MEI4: variants seen among roughly 807,000 people sequenced by gnomAD.
MEI4 encodes the protein meiosis-specific protein MEI4.
In MEI4, 27 loss-of-function variants were observed where a neutral mutation model predicts 31.4. That is an observed-to-expected ratio of 0.86 (90% CI 0.63 to 1.19). MEI4 has a LOEUF of 1.19. Among genes scored for constraint, MEI4 ranks in the 50% most tolerant of loss-of-function variants. The probability of loss-of-function intolerance (pLI) is 0.00; values close to 1 mark genes in which losing one functional copy is unlikely to be tolerated. For synonymous variants in MEI4, 122 were observed against 145.4 expected (o/e 0.84, Z 1.16); for missense variants, 329 against 398.9 (o/e 0.82, Z 1.49).
At chr6:77,740,114 GTTA>G (rs1372490634) in intron 2 of MEI4, among the ~76,000 whole-genome samples, 1 of 152,158 alleles carries the variant, frequency 6.6e-6, no homozygotes, top group Non-Finnish European at 1.5e-5. Context: ...ATGGTTTTGA[GTTA>G]TTTTCTTATT....
At chr6:77,730,462 G>C (rs1766949540) in intron 2 of MEI4, among the ~76,000 whole-genome samples, 1 of 151,894 alleles carries the variant, frequency 6.6e-6, no homozygotes, top group Non-Finnish European at 1.5e-5. Flanking sequence ...GCAAGTTTTT[G>C]ACCCTTAAAT....
At chr6:77,751,525 G>T in intron 2 of MEI4, among the ~76,000 whole-genome samples, 1 of 151,988 alleles carries the variant, frequency 6.6e-6, no homozygotes, top group East Asian at 1.9e-4. Context: ...GAAGAATTGG[G>T]TAAGTTCCTG....
intron 4 of MEI4, among the ~76,000 whole-genome samples, chr6:77,856,193 C>T (rs1322420962): frequency 6.6e-6 from 1 of 152,060 alleles, no homozygotes. Context: ...TCTAATGAAC[C>T]GGCCCGTCTG....
intron 2 of MEI4, among the ~76,000 whole-genome samples, chr6:77,736,992 T>C (rs1037385474): frequency 1.3e-5 from 2 of 152,154 alleles, no homozygotes; most frequent in Non-Finnish European, 2.9e-5. Flanking sequence ...GCAAATGATG[T>C]AATATGATAG....
chr6:77,912,081 G>A (rs1284002133), intron 4 of MEI4, among the ~76,000 whole-genome samples: 1 of 152,118 alleles, frequency 6.6e-6, no homozygotes, highest in African/African-American at 2.4e-5. Context: ...TTACTAATGT[G>A]GGTGTCCTTT....
intron 4 of MEI4, among the ~76,000 whole-genome samples, chr6:77,915,527 G>C (rs930549760): frequency 6.6e-6 from 1 of 151,936 alleles, no homozygotes; most frequent in East Asian, 1.9e-4. Flanking sequence ...TTCATTAAAA[G>C]TGACCATGGG....
At position 77,736,316 on chromosome 6, in the gene MEI4, T is replaced by G. The variant is rs369029242; in HGVS notation, c.233-24814T>G. Among the ~76,000 whole-genome samples, 28 of 152,078 alleles carry G rather than the reference T, an allele frequency of 1.8e-4. No individual in the cohort carries two copies. The South Asian group carries it at 5.0e-3, about 27-fold the overall frequency. On this transcript the variant is annotated intron_variant, in intron 2 of 4. Coordinates refer to ENST00000684080, the MANE Select transcript of MEI4 (RefSeq NM_001322247.2). ...CGTGGGCGTATTACCCTCCGAGCCA[T>G]GTGCGGGATATAATCTCCTGGTGCG...
chr6:77,771,609 A>G (rs1265223020), intron 3 of MEI4, among the ~76,000 whole-genome samples: 1 of 152,152 alleles, frequency 6.6e-6, no homozygotes, highest in African/African-American at 2.4e-5. Context: ...ATGCAGTCAT[A>G]AAAAGAATGA....
intron 3 of MEI4, among the ~76,000 whole-genome samples, chr6:77,804,745 A>G (rs941403144): frequency 2.0e-5 from 3 of 152,204 alleles, no homozygotes; most frequent in Non-Finnish European, 2.9e-5. Context: ...TGGAGTTCAG[A>G]TATCATTACC....
chr6:77,893,995 G>T (rs1766024181), intron 4 of MEI4, among the ~76,000 whole-genome samples: 1 of 151,932 alleles, frequency 6.6e-6, no homozygotes, highest in South Asian at 2.1e-4. Flanking sequence ...TTTTAAAAAA[G>T]AAAATCATAA....
At chr6:77,798,962 T>A (rs1361875016) in intron 3 of MEI4, among the ~76,000 whole-genome samples, 1 of 152,076 alleles carries the variant, frequency 6.6e-6, no homozygotes, top group African/African-American at 2.4e-5. Context: ...TACGTGTGCA[T>A]GTGTCTTTAT....
intron 2 of MEI4, among the ~76,000 whole-genome samples, chr6:77,699,189 C>CTTTT (rs70974682): frequency 3.5e-4 from 40 of 113,778 alleles, no homozygotes; most frequent in Non-Finnish European, 5.2e-4. Context: ...TTCAAAGTTT[C>CTTTT]TTTTTTTTTT....
chr6:77,891,890 A>G lies in MEI4; in HGVS notation c.901-31199A>G, dbSNP rs1444246165. 2.6e-5 allele frequency among the ~76,000 whole-genome samples: 4 copies of G among 152,210 alleles called. No individual in the cohort carries two copies. In the South Asian group the frequency reaches 6.2e-4, roughly 24 times the overall value. On this transcript the variant is annotated intron_variant, in intron 4 of 4. Coordinates refer to ENST00000684080, the MANE Select transcript of MEI4 (RefSeq NM_001322247.2). ...GTATGATTTGAGGCAGCTGTAATCA[A>G]TGTCAAGTTTGTCTGTGTCTTCCTC...
intron 4 of MEI4, among the ~76,000 whole-genome samples, chr6:77,907,637 C>T (rs532137790): frequency 2.0e-5 from 3 of 152,158 alleles, no homozygotes; most frequent in East Asian, 3.9e-4. Context: ...TTTTATAATC[C>T]TTTGGGTATA....
At position 77,908,584 on chromosome 6, in the gene MEI4, T is replaced by C. The variant is rs1402073803; in HGVS notation, c.901-14505T>C. ...TATAGTTTGAAGTCAGGTAGCATGA[T>C]GCCTCCAGCTTTGTTCTTTTGGCTT... On this transcript the variant is annotated intron_variant, in intron 4 of 4. Transcript: ENST00000684080. Among the ~76,000 whole-genome samples, 3 of 152,184 alleles carry C rather than the reference T, an allele frequency of 2.0e-5. No homozygotes were observed. In the East Asian group the frequency reaches 5.8e-4, roughly 29 times the overall value.
chr6:77,688,811 C>A (rs1769105705), intron 1 of MEI4, among the ~76,000 whole-genome samples: 1 of 152,058 alleles, frequency 6.6e-6, no homozygotes, highest in Admixed American at 6.6e-5. Context: ...GTCTCAAAAA[C>A]CATATGTCTG....
rs182754987 is a variant in MEI4, at chr6:77,745,218, T to G, written c.233-15912T>G. Among the ~76,000 whole-genome samples the G allele has an allele frequency of 1.4e-3, 209 of 152,156 alleles. 1 individual carries two copies. Among genetic ancestry groups the G allele is most frequent in the African/African-American group, 4.3e-3 (180 of 41,490 alleles). On this transcript the variant is annotated intron_variant, in intron 2 of 4. Transcript: ENST00000684080. ...AGACCCATCAGTGTGCTATATTCAGTAAACCCATCTCACGTGCAGAGACAC... is the reference window on the plus strand; with the variant it reads ...AGACCCATCAGTGTGCTATATTCAGGAAACCCATCTCACGTGCAGAGACAC...
chr6:77,757,793 T>G (rs899341084), intron 2 of MEI4, among the ~76,000 whole-genome samples: 2 of 152,216 alleles, frequency 1.3e-5, no homozygotes, highest in Non-Finnish European at 2.9e-5. Context: ...ATGTGAAGAA[T>G]GAAGTTAATG....
intron 4 of MEI4, among the ~76,000 whole-genome samples, chr6:77,881,867 C>T (rs1287633947): frequency 6.6e-6 from 1 of 152,202 alleles, no homozygotes; most frequent in African/African-American, 2.4e-5. Flanking sequence ...AGGTCATTTG[C>T]ATACATTCCT....
Sources: gnomAD v4.1 joint callset for allele counts (sites outside exome capture counted in the v4.1 genomes callset) on GRCh38, gnomAD v4.1.1 for gene constraint, MANE v1.5 for transcripts, NCBI Gene and HGNC (gene_info 2026-07-23, HGNC 2026-07-21) for gene names.